PRKN: variants seen among roughly 807,000 people sequenced by gnomAD.
PRKN encodes the protein E3 ubiquitin-protein ligase parkin.
In PRKN, 56 loss-of-function variants were observed where a neutral mutation model predicts 59.5. The observed-to-expected ratio is 0.94, with a 90% CI of 0.76 to 1.18. The LOEUF is 1.18. Among genes scored for constraint, PRKN ranks in the 50% most tolerant of loss-of-function variants. The pLI is 0.00. For missense variants in PRKN, 657 were observed against 596.4 expected (o/e 1.10, Z -1.06); for synonymous variants, 250 against 222.1 (o/e 1.13, Z -1.12).
chr6:161,828,607 C>CTG lies in PRKN; in HGVS notation c.735-42701_735-42700dup, dbSNP rs1052478027. On this transcript the variant is annotated intron_variant, in intron 6 of 11. Coordinates refer to ENST00000366898, the MANE Select transcript of PRKN (RefSeq NM_004562.3). ...TCTGTTTCTCACTGGCTGCCTCTCA[C>CTG]TGTGCTGTGTTGAGAGAGGGCACTA... Among the ~76,000 whole-genome samples the CTG allele has an allele frequency of 7.9e-5, 12 of 152,242 alleles. No individual in the cohort carries two copies. The South Asian group carries it at 1.0e-3, about 13-fold the overall frequency.
intron 4 of PRKN, among the ~76,000 whole-genome samples, chr6:162,188,652 G>T (rs76578599): frequency 0.024 from 3,586 of 152,162 alleles, 141 homozygotes; most frequent in African/African-American, 0.081. Flanking sequence ...TGAGGCAGGA[G>T]AATACTCTGT....
At chr6:161,880,858 A>G (rs927870360) in intron 6 of PRKN, among the ~76,000 whole-genome samples, 2 of 152,128 alleles carry the variant, frequency 1.3e-5, no homozygotes, top group Admixed American at 6.5e-5. Flanking sequence ...CTGAAAAAGC[A>G]CCCAAGAACC....
intron 4 of PRKN, among the ~76,000 whole-genome samples, chr6:162,074,640 A>AG (rs1216249743): frequency 1.3e-5 from 2 of 151,424 alleles, no homozygotes; most frequent in Non-Finnish European, 2.9e-5. Flanking sequence ...TATAAAAAAA[A>AG]GTCACATTTC....
Position 161,488,488 on chromosome 6 carries a change from T to C in PRKN, c.1083+60366A>G, listed in dbSNP as rs189002835. Among the ~76,000 whole-genome samples the C allele has an allele frequency of 9.2e-5, 14 of 152,342 alleles. No individual in the cohort carries two copies. The highest frequency in any genetic ancestry group is 3.1e-4 in the African/African-American group (13 of 41,578). The stretch of plus-strand genomic sequence containing the variant: ...CCGAGAAGGACATCTGAATTTATTA[T>C]ATTTTAATTAATTTTTTTAGAGATA... On this transcript the variant is annotated intron_variant, in intron 9 of 11. Coordinates refer to ENST00000366898, the MANE Select transcript of PRKN (RefSeq NM_004562.3). This position sits in a 1 kb window ranked among gnomAD's most constrained non-coding sequence, Gnocchi z 4.5.
chr6:162,611,217 C>T (rs781275386), intron 1 of PRKN, among the ~76,000 whole-genome samples: 59 of 152,168 alleles, frequency 3.9e-4, no homozygotes, highest in Non-Finnish European at 6.6e-4. Flanking sequence ...GCTTTTGCTA[C>T]AGGGGTTTCT....
chr6:162,309,087 T>A (rs963541810), intron 2 of PRKN, among the ~76,000 whole-genome samples: 1 of 152,104 alleles, frequency 6.6e-6, no homozygotes, highest in Non-Finnish European at 1.5e-5. Context: ...CTCAGAGACA[T>A]GACTGACCTT....
In PRKN at chr6:161,363,261, T is replaced by C. The variant is rs1785052569; in HGVS notation, c.1168-3056A>G. ...TGTCTCAAAAAAACTTAACTGAGTATAAACTAAATATGTTTGTTATATTTA... is the reference window on the plus strand; with the variant it reads ...TGTCTCAAAAAAACTTAACTGAGTACAAACTAAATATGTTTGTTATATTTA... On this transcript the variant is annotated intron_variant, in intron 10 of 11. Coordinates refer to ENST00000366898, the MANE Select transcript of PRKN (RefSeq NM_004562.3). The surrounding 1 kb of genome is among the most constrained non-coding windows in gnomAD (Gnocchi z 4.1). Among the ~76,000 whole-genome samples the C allele has an allele frequency of 6.6e-6, 1 of 152,142 alleles. No homozygotes were observed. The highest frequency in any genetic ancestry group is 6.6e-5 in the Admixed American group (1 of 15,264).
intron 3 of PRKN, among the ~76,000 whole-genome samples, chr6:162,238,609 C>T (rs1334537766): frequency 6.6e-6 from 1 of 152,150 alleles, no homozygotes; most frequent in Non-Finnish European, 1.5e-5. Flanking sequence ...AGTTAAGTGG[C>T]CTTCTATGAG....
chr6:162,092,234 A>G (rs568710275), intron 4 of PRKN, among the ~76,000 whole-genome samples: 5 of 152,164 alleles, frequency 3.3e-5, no homozygotes, highest in Non-Finnish European at 4.4e-5. Flanking sequence ...GAGCGCCTAT[A>G]GTCCCAGCTA....
chr6:162,676,773 CT>C (rs1192489772), intron 1 of PRKN, among the ~76,000 whole-genome samples: 1 of 152,044 alleles, frequency 6.6e-6, no homozygotes, highest in East Asian at 1.9e-4. Context: ...AAAAGATTAT[CT>C]AAGAATGGCT....
intron 1 of PRKN, among the ~76,000 whole-genome samples, chr6:162,650,855 G>C (rs1480144534): frequency 6.6e-6 from 1 of 152,154 alleles, no homozygotes; most frequent in Non-Finnish European, 1.5e-5. Context: ...GTGGGAGGAA[G>C]GATGAGGTTA....
rs1481744113 is a variant in PRKN at position 161,405,835 on chromosome 6, C to T, written c.1084-18958G>A. On this transcript the variant is annotated intron_variant, in intron 9 of 11. Coordinates refer to ENST00000366898, the MANE Select transcript of PRKN (RefSeq NM_004562.3). The surrounding 1 kb of genome is among the most constrained non-coding windows in gnomAD (Gnocchi z 5.1). The stretch of plus-strand genomic sequence containing the variant: ...ACTGCCAAGTCTATGCCTGTTCCTA[C>T]CAATTTGGCAGTCCAAATAGATTTT... Among the ~76,000 whole-genome samples the T allele has an allele frequency of 6.6e-6, 1 of 151,988 alleles. No homozygotes were observed. Among genetic ancestry groups the T allele is most frequent in the Non-Finnish European group, 1.5e-5 (1 of 68,018 alleles).
chr6:162,095,089 C>G (rs563017776), intron 4 of PRKN, among the ~76,000 whole-genome samples: 1 of 152,210 alleles, frequency 6.6e-6, no homozygotes, highest in East Asian at 1.9e-4. Context: ...TGGGGTGAAG[C>G]CATCTTTCTA....
intron 2 of PRKN, among the ~76,000 whole-genome samples, chr6:162,340,427 T>C (rs1784122314): frequency 6.6e-6 from 1 of 152,234 alleles, no homozygotes; most frequent in Non-Finnish European, 1.5e-5. Context: ...AAATTCTTCC[T>C]GAATACCAAT....
At position 161,350,173 on chromosome 6, in the gene PRKN, T is replaced by C. The variant is rs1784466405; in HGVS notation, c.1324A>G (p.Arg442Gly). 2 of 1,613,708 alleles carry C rather than the reference T, an allele frequency of 1.2e-6. No homozygotes were observed. The highest frequency in any genetic ancestry group is 1.1e-5 in the South Asian group (1 of 91,068). ...MHMKCPQPQCRLEWCWNCGCE... is the reference protein window; with the variant it reads ...MHMKCPQPQCGLEWCWNCGCE... ...CCACAGTTCCAGCACCACTCGAGCC[T>C]GCACTGGGGCTGCGGACACTTCATG... is the stretch of plus-strand genomic sequence containing the variant. The change falls in exon 12 of 12, where the codon AGG (arginine) becomes GGG (glycine). Residue 442 changes from arginine to glycine, a missense_variant. Transcript: ENST00000366898.
At chr6:161,826,256 A>T (rs1321286480) in intron 6 of PRKN, among the ~76,000 whole-genome samples, 1 of 152,262 alleles carries the variant, frequency 6.6e-6, no homozygotes, top group Non-Finnish European at 1.5e-5. Flanking sequence ...TCATGTAAAA[A>T]GTAGAAAAAT....
chr6:161,624,661 G>A (rs1286022141), intron 7 of PRKN, among the ~76,000 whole-genome samples: 5 of 152,182 alleles, frequency 3.3e-5, no homozygotes, highest in Admixed American at 3.3e-4. Flanking sequence ...CATAGGAATC[G>A]CATGCCTCTG....
chr6:162,363,566 C>T (rs1488634479), intron 2 of PRKN, among the ~76,000 whole-genome samples: 1 of 151,962 alleles, frequency 6.6e-6, no homozygotes, highest in African/African-American at 2.4e-5. Context: ...TTCTATGCTA[C>T]TTTTTCCAAA....
At chr6:162,472,469 T>G (rs867341022) in intron 1 of PRKN, among the ~76,000 whole-genome samples, 3 of 80,152 alleles carry the variant, frequency 3.7e-5, no homozygotes, top group African/African-American at 1.2e-4. Flanking sequence ...TTTATTTTAT[T>G]TTATTTTATT....
Sources: allele counts gnomAD v4.1 joint callset (sites outside exome capture counted in the v4.1 genomes callset), GRCh38; gene constraint gnomAD v4.1.1; non-coding constraint Gnocchi (gnomAD v3.1); transcripts MANE v1.5; gene names NCBI Gene and HGNC (gene_info 2026-07-23, HGNC 2026-07-21).